Variants in PAK2 observed in about 807,000 individuals in gnomAD.
PAK2 encodes serine/threonine-protein kinase PAK 2.
A neutral mutation model predicts 65.9 loss-of-function variants in PAK2; 21 were observed. That is an observed-to-expected ratio of 0.32 (90% CI 0.23 to 0.46). The LOEUF (loss-of-function observed/expected upper bound fraction) is 0.46, where lower values mean the gene tolerates loss of function less well. Among genes scored for constraint, PAK2 ranks in the 20% least tolerant of loss-of-function variants. The pLI is 1.00. For synonymous variants in PAK2, 204 were observed against 219.7 expected, an observed-to-expected ratio of 0.93 and a Z score of 0.63; for missense variants, 324 against 642.6, an observed-to-expected ratio of 0.50 and a Z score of 5.36.
At chr3:196,805,001 T>C (rs1715542434) in intron 4 of PAK2, among the ~76,000 whole-genome samples, 1 of 152,100 alleles carries the variant, frequency 6.6e-6, no homozygotes, top group Admixed American at 6.6e-5. Context: ...AGAAAGTATC[T>C]TTATCAATAA....
rs1712119293 is a variant in PAK2, at chr3:196,832,361, T to C, written c.*3956T>C. ...TGTCTTTTCTGTTGTCTTCAAATTT[T>C]ATGCCTTTTATTTTTAATTTAATCC... On this transcript the variant is annotated 3_prime_UTR_variant, in exon 15 of 15. Transcript: ENST00000327134. The C allele has an allele frequency of 6.6e-6, 1 of 152,236 alleles. No individual in the cohort carries two copies. The highest frequency in any genetic ancestry group is 1.5e-5 in the Non-Finnish European group (1 of 68,036). The allele number at this position is 152,236 out of a possible 1,614,324, so 9.4% of individuals were successfully genotyped here. A position where few individuals can be genotyped will look rare whatever the true frequency, so the allele number is the denominator to read the frequency against.
At chr3:196,767,321 A>T (rs559905019) in intron 1 of PAK2, among the ~76,000 whole-genome samples, 1 of 152,166 alleles carries the variant, frequency 6.6e-6, no homozygotes, top group Non-Finnish European at 1.5e-5. Flanking sequence ...GTATATATGT[A>T]GTCGGTACTC....
chr3:196,831,989 A>T lies in PAK2; in HGVS notation c.*3584A>T, dbSNP rs1464406336. On this transcript the variant is annotated 3_prime_UTR_variant, in exon 15 of 15. Transcript: ENST00000327134. ...AGTGTGTGTATATAAGAAAAAATAGATACACACATTCTTTTTTCTCAGTCA... is the reference window on the plus strand; with the variant it reads ...AGTGTGTGTATATAAGAAAAAATAGTTACACACATTCTTTTTTCTCAGTCA... 3 of 152,208 alleles carry T rather than the reference A, an allele frequency of 2.0e-5. No individual in the cohort carries two copies. Among genetic ancestry groups the T allele is most frequent in the Non-Finnish European group, 4.4e-5 (3 of 68,044 alleles). The allele number at this position is 152,208 out of a possible 1,614,324, so 9.4% of individuals were successfully genotyped here.
chr3:196,804,336 T>C (rs768106825), intron 4 of PAK2, among the ~76,000 whole-genome samples: 2 of 152,220 alleles, frequency 1.3e-5, no homozygotes, highest in Non-Finnish European at 2.9e-5. Flanking sequence ...CTAGAACTTT[T>C]CTATCAACCA....
chr3:196,760,979 G>A (rs1284520961), intron 1 of PAK2, among the ~76,000 whole-genome samples: 1 of 152,124 alleles, frequency 6.6e-6, no homozygotes, highest in East Asian at 1.9e-4. Context: ...GCTCAAGCCT[G>A]TAATCCCAGC....
chr3:196,751,694 T>TATATATATATAA (rs1211217848), intron 1 of PAK2, among the ~76,000 whole-genome samples: 1 of 45,874 alleles, frequency 2.2e-5, no homozygotes, highest in African/African-American at 1.2e-4. Context: ...TATATATATA[T>TATATATATATAA]AATTCAGGCT....
chr3:196,747,038 G>T (rs1713406479), intron 1 of PAK2, among the ~76,000 whole-genome samples: 1 of 151,046 alleles, frequency 6.6e-6, no homozygotes. Flanking sequence ...CTATTTTTCT[G>T]AATTTGCCAA....
chr3:196,827,266 G>T lies in PAK2; in HGVS notation c.1421G>T (p.Arg474Leu), dbSNP rs753373351. ...QNPEKLSPIF[R>L]DFLNRCLEMD... is the part of the protein sequence containing the mutation. ...CCAGAGAAACTTTCCCCAATATTTC[G>T]GGATTTCTTAAATCGATGTTTGGAA... The change falls in exon 14 of 15, where the codon CGG becomes CTG. Residue 474 changes from arginine (R) to leucine (L), a missense_variant. Coordinates refer to ENST00000327134, the MANE Select transcript of PAK2 (RefSeq NM_002577.4). 2 of 1,612,142 alleles carry T rather than the reference G, an allele frequency of 1.2e-6. No homozygotes were observed. Among genetic ancestry groups the T allele is most frequent in the African/African-American group, 2.7e-5 (2 of 74,830 alleles).
chr3:196,802,626 C>T (rs575952343), intron 3 of PAK2, among the ~76,000 whole-genome samples: 23 of 152,124 alleles, frequency 1.5e-4, no homozygotes, highest in Non-Finnish European at 1.5e-5. Flanking sequence ...GGGTGGATCA[C>T]GAGGTCAGGA....
intron 11 of PAK2, among the ~76,000 whole-genome samples, chr3:196,815,164 A>T (rs1473162584): frequency 6.6e-6 from 1 of 151,388 alleles, no homozygotes; most frequent in African/African-American, 2.4e-5. Context: ...TGGGCAACAG[A>T]GCGAGAGTCC....
chr3:196,805,034 C>T (rs1422369917), intron 4 of PAK2, among the ~76,000 whole-genome samples: 2 of 151,952 alleles, frequency 1.3e-5, no homozygotes, highest in Non-Finnish European at 2.9e-5. Context: ...TTAATAAATA[C>T]AGATTGATAG....
chr3:196,779,412 A>G (rs540150833), intron 1 of PAK2, among the ~76,000 whole-genome samples: 8 of 152,126 alleles, frequency 5.3e-5, no homozygotes, highest in Non-Finnish European at 1.0e-4. Flanking sequence ...TCCCTTTCCC[A>G]TGCCTAGAGT....
At chr3:196,796,063 G>C (rs1280836536) in intron 2 of PAK2, among the ~76,000 whole-genome samples, 1 of 152,180 alleles carries the variant, frequency 6.6e-6, no homozygotes, top group Non-Finnish European at 1.5e-5. Flanking sequence ...GGTCCAACGC[G>C]GCTGCTGATC....
rs188947042 is a variant in PAK2 at position 196,825,516 on chromosome 3, G to A, written c.1351-1680G>A. On this transcript the variant is annotated intron_variant, in intron 13 of 14. Coordinates refer to ENST00000327134, the MANE Select transcript of PAK2 (RefSeq NM_002577.4). Reference sequence around the variant, plus strand: ...AAATTAGCCGGGCATTTTGGCGGGCGCCTATAATCCCAGCTACTCGGAAGG... The same window carrying A: ...AAATTAGCCGGGCATTTTGGCGGGCACCTATAATCCCAGCTACTCGGAAGG... Among the ~76,000 whole-genome samples the A allele has an allele frequency of 5.1e-3, 768 of 151,958 alleles. 5 individuals carry two copies. The highest frequency in any genetic ancestry group is 8.0e-3 in the Non-Finnish European group (542 of 68,014).
rs1553808463 is a variant in PAK2, at chr3:196,811,197, T to TCCTTCCCTTC, written c.773+547_773+548insTCCCTTCCCT. On this transcript the variant is annotated intron_variant, in intron 8 of 14. Transcript: ENST00000327134. The stretch of plus-strand genomic sequence containing the variant: ...TTTGAAAACTTCCATATGAATTCCT[T>TCCTTCCCTTC]CCTCCCTTCCTTCCCTTCCCTCCCT... 2.2e-3 allele frequency among the ~76,000 whole-genome samples: 19 copies of TCCTTCCCTTC among 8,546 alleles called. 6 individuals are homozygous for TCCTTCCCTTC. The highest frequency in any genetic ancestry group is 6.2e-3 in the African/African-American group (19 of 3,054). The allele number at this position is 8,546 out of a possible 152,430, so 5.6% of individuals were successfully genotyped here. A position where few individuals can be genotyped will look rare whatever the true frequency, so the allele number is the denominator to read the frequency against.
Position 196,751,727 on chromosome 3 carries a change from A to G in PAK2, c.-22+11570A>G, listed in dbSNP as rs1456356888. 3.0e-3 allele frequency among the ~76,000 whole-genome samples: 335 copies of G among 110,594 alleles called. 4 individuals are homozygous for G. Among genetic ancestry groups the G allele is most frequent in the African/African-American group, 0.013 (326 of 26,076 alleles). 72.6% of individuals were successfully genotyped at this position (110,594 alleles called of 152,430 possible). On this transcript the variant is annotated intron_variant, in intron 1 of 14. Transcript: ENST00000327134. Reference sequence around the variant, plus strand: ...GCTATATATAAAAGGCATTTATGAAACACAAATGAATTTCTTTTTTTTTTT... The same window carrying G: ...GCTATATATAAAAGGCATTTATGAAGCACAAATGAATTTCTTTTTTTTTTT...
intron 1 of PAK2, among the ~76,000 whole-genome samples, chr3:196,768,912 C>T (rs539546604): frequency 3.8e-4 from 57 of 151,978 alleles, no homozygotes; most frequent in African/African-American, 1.2e-3. Flanking sequence ...AGTGATCCAC[C>T]GCGCCCAGCC....
rs1323779989 is a variant in PAK2 at position 196,743,463 on chromosome 3, A to G, written c.-22+3306A>G. Among the ~76,000 whole-genome samples, 4 of 152,230 alleles carry G rather than the reference A, an allele frequency of 2.6e-5. No homozygotes were observed. The East Asian group carries it at 7.7e-4, about 29-fold the overall frequency. ...TTAGATCAAATGAGGGAATGCAGGTAAAGGATTCTGTAATTATAGGTCTTA... is the reference window on the plus strand; with the variant it reads ...TTAGATCAAATGAGGGAATGCAGGTGAAGGATTCTGTAATTATAGGTCTTA... On this transcript the variant is annotated intron_variant, in intron 1 of 14. Coordinates refer to ENST00000327134, the MANE Select transcript of PAK2 (RefSeq NM_002577.4).
intron 1 of PAK2, among the ~76,000 whole-genome samples, chr3:196,778,964 G>T (rs1490053816): frequency 1.3e-5 from 2 of 152,180 alleles, no homozygotes; most frequent in Non-Finnish European, 2.9e-5. Context: ...ATGACTTGTC[G>T]CTGGTGATGT....
Sources: allele counts gnomAD v4.1 joint callset (sites outside exome capture counted in the v4.1 genomes callset), GRCh38; gene constraint gnomAD v4.1.1; transcripts MANE v1.5; gene names NCBI Gene and HGNC (gene_info 2026-07-23, HGNC 2026-07-21).